The following PAQR7 variants were observed in gnomAD, a reference collection of about 807,000 sequenced individuals.
PAQR7 encodes the protein progestin and adipoQ receptor family member 7.
PAQR7 carries 14 observed loss-of-function variants against 24.6 expected under a neutral mutation model. That is an observed-to-expected ratio of 0.57 (90% CI 0.38 to 0.89). The LOEUF (loss-of-function observed/expected upper bound fraction) is 0.89. Among genes scored for constraint, PAQR7 ranks in the 40% least tolerant of loss-of-function variants. PAQR7 has a pLI of 0.00. For synonymous variants in PAQR7, 189 were observed against 198.8 expected (o/e 0.95, Z 0.42); for missense variants, 351 against 444.0 (o/e 0.79, Z 1.88).
chr1:25,871,523 C>T (rs760505953), intron 1 of PAQR7, among the ~76,000 whole-genome samples: 3 of 152,082 alleles, frequency 2.0e-5, no homozygotes, highest in Non-Finnish European at 4.4e-5. Flanking sequence ...CAGCCTGAGC[C>T]GCTCCTTCCT....
At position 25,875,233 on chromosome 1, in the gene PAQR7, G is replaced by T. The variant is rs544949772; in HGVS notation, c.-109+255C>A. On this transcript the variant is annotated intron_variant, in intron 1 of 2. Coordinates refer to ENST00000675840, the MANE Select transcript of PAQR7 (RefSeq NM_178422.6). The surrounding 1 kb of genome is among the most constrained non-coding windows in gnomAD (Gnocchi z 5.4). ...CTGCTCCTCCCACCCTTCCCAAGACGCCCCCATCCAGCGAGCTCCTCCTTC... is the reference window on the plus strand; with the variant it reads ...CTGCTCCTCCCACCCTTCCCAAGACTCCCCCATCCAGCGAGCTCCTCCTTC... Among the ~76,000 whole-genome samples the T allele has an allele frequency of 6.4e-4, 97 of 152,114 alleles. No individual in the cohort carries two copies. The highest frequency in any genetic ancestry group is 2.3e-3 in the African/African-American group (96 of 41,480).
At position 25,875,087 on chromosome 1, in the gene PAQR7, A is replaced by G. The variant is rs1188967885; in HGVS notation, c.-109+401T>C. 6.6e-6 allele frequency among the ~76,000 whole-genome samples: 1 copy of G among 151,970 alleles called. No homozygotes were observed. Among genetic ancestry groups the G allele is most frequent in the Admixed American group, 6.6e-5 (1 of 15,260 alleles). On this transcript the variant is annotated intron_variant, in intron 1 of 2. Transcript: ENST00000675840. The surrounding 1 kb of genome is among the most constrained non-coding windows in gnomAD (Gnocchi z 5.4). ...AAGGCAGCGGCCTTGCCCGGGCCAG[A>G]CGCCCCTACCCACTCCCTGCCCTCC...
In PAQR7 at chr1:25,875,397, CCAGCCCCG is replaced by C. The variant is rs537795798; in HGVS notation, c.-109+83_-109+90del. Among the ~76,000 whole-genome samples the C allele has an allele frequency of 3.6e-3, 544 of 152,238 alleles. 1 individual carries two copies. The highest frequency in any genetic ancestry group is 6.0e-3 in the Non-Finnish European group (411 of 68,000). ...CCGCGGAGCCTTGCTCTTTCCACGT[CCAGCCCCG>C]CAGCCCCGCAGCCCCGCCGCGCCCC... On this transcript the variant is annotated intron_variant, in intron 1 of 2. Coordinates refer to ENST00000675840, the MANE Select transcript of PAQR7 (RefSeq NM_178422.6). This position sits in a 1 kb window ranked among gnomAD's most constrained non-coding sequence, Gnocchi z 5.4.
chr1:25,862,901 G>GT lies in PAQR7; in HGVS notation c.938dup (p.His313GlnfsTer30). The GT allele has an allele frequency of 6.2e-7, 1 of 1,614,190 alleles. No homozygotes were observed. Among genetic ancestry groups the GT allele is most frequent in the Non-Finnish European group, 8.5e-7 (1 of 1,180,020 alleles). ...TGAGCAGGAAGAGGCCAGAAAAGTT[G>GT]TGAGGCCAGTGCGTGTGCAGAGGCT... On this transcript the variant is annotated frameshift_variant, in exon 3 of 3. Transcript: ENST00000675840. LOFTEE classifies it high-confidence loss of function.
chr1:25,862,649 GC>G lies in PAQR7; in HGVS notation c.*149del, dbSNP rs2048520556. ...AGCCAATCCCTAAATCCAAGAATTGGCCAGTGATGCCCTTGGCAGTTGAGTC... is the reference window on the plus strand; with the variant it reads ...AGCCAATCCCTAAATCCAAGAATTGGCAGTGATGCCCTTGGCAGTTGAGTC... On this transcript the variant is annotated 3_prime_UTR_variant, in exon 3 of 3. Transcript: ENST00000675840. 2.3e-6 allele frequency: 2 copies of G among 862,928 alleles called. No individual in the cohort carries two copies. Among genetic ancestry groups the G allele is most frequent in the African/African-American group, 3.4e-5 (2 of 58,750 alleles). The allele number at this position is 862,928 out of a possible 1,614,324, so 53.5% of individuals were successfully genotyped here.
chr1:25,875,613 A>C lies in PAQR7; in HGVS notation c.-234T>G, dbSNP rs551159568. Among the ~76,000 whole-genome samples the C allele has an allele frequency of 1.4e-3, 213 of 149,910 alleles. No homozygotes were observed. The highest frequency in any genetic ancestry group is 0.011 in the Middle Eastern group (3 of 280). On this transcript the variant is annotated 5_prime_UTR_variant, in exon 1 of 3. Transcript: ENST00000675840. The surrounding 1 kb of genome is among the most constrained non-coding windows in gnomAD (Gnocchi z 5.4). ...GCGGGCGGCCTCGGGCGCTCTGGCT[A>C]CAGCCGCCTCCGCGGGCCCAGGCGA...
intron 2 of PAQR7, among the ~76,000 whole-genome samples, chr1:25,869,966 A>G (rs1557467141): frequency 6.6e-6 from 1 of 151,852 alleles, no homozygotes; most frequent in Non-Finnish European, 1.5e-5. Context: ...GATGACAGAG[A>G]CCCCGCTGCC....
chr1:25,872,085 T>C (rs2048610713), intron 1 of PAQR7, among the ~76,000 whole-genome samples: 1 of 152,254 alleles, frequency 6.6e-6, no homozygotes, highest in Non-Finnish European at 1.5e-5. Flanking sequence ...TCACCTGCTG[T>C]GTGACTCTGC....
At chr1:25,870,003 G>A (rs992811680) in intron 2 of PAQR7, among the ~76,000 whole-genome samples, 10 of 152,264 alleles carry the variant, frequency 6.6e-5, no homozygotes, top group Admixed American at 5.2e-4. Flanking sequence ...TCAGCTAGAG[G>A]CCTCACTCCA....
At chr1:25,866,181 AT>A (rs928920652) in intron 2 of PAQR7, among the ~76,000 whole-genome samples, 4 of 151,806 alleles carry the variant, frequency 2.6e-5, no homozygotes, top group African/African-American at 7.3e-5. Flanking sequence ...TTCCAAATAA[AT>A]CCAATATAAC....
chr1:25,868,024 T>C (rs781431811), intron 2 of PAQR7, among the ~76,000 whole-genome samples: 2 of 152,234 alleles, frequency 1.3e-5, no homozygotes, highest in Non-Finnish European at 2.9e-5. Context: ...AGACCTCCCT[T>C]GGCCAGCCTT....
At chr1:25,868,336 G>A (rs1228186182) in intron 2 of PAQR7, among the ~76,000 whole-genome samples, 1 of 152,144 alleles carries the variant, frequency 6.6e-6, no homozygotes, top group Non-Finnish European at 1.5e-5. Context: ...TAGCTCCTGG[G>A]TGCCTGTGAT....
chr1:25,869,858 G>T (rs1436383292), intron 2 of PAQR7, among the ~76,000 whole-genome samples: 1 of 152,132 alleles, frequency 6.6e-6, no homozygotes, highest in African/African-American at 2.4e-5. Flanking sequence ...GGAGGCCCTG[G>T]CTCAAGCCAC....
At chr1:25,873,873 ATTCTT>A (rs1279546231) in intron 1 of PAQR7, among the ~76,000 whole-genome samples, 26 of 151,886 alleles carry the variant, frequency 1.7e-4, no homozygotes, top group African/African-American at 5.1e-4. Context: ...GCCCAGCCTA[ATTCTT>A]TTCTTTTCTT....
At chr1:25,868,774 G>A (rs1010418688) in intron 2 of PAQR7, among the ~76,000 whole-genome samples, 1 of 143,312 alleles carries the variant, frequency 7.0e-6, no homozygotes, top group African/African-American at 2.5e-5. Flanking sequence ...TAGCTTTGTT[G>A]AATCAACATT....
In PAQR7 at chr1:25,861,662, C is replaced by G. The variant is rs2048511344; in HGVS notation, c.*1137G>C. 1 of 152,470 alleles carries G rather than the reference C, an allele frequency of 6.6e-6. No individual in the cohort carries two copies. The highest frequency in any genetic ancestry group is 6.5e-5 in the Admixed American group (1 of 15,280). The allele number at this position is 152,470 out of a possible 1,614,324, so 9.4% of individuals were successfully genotyped here. A position where few individuals can be genotyped will look rare whatever the true frequency, so the allele number is the denominator to read the frequency against. ...CTCCCCAACCTAAGACCCTGAGGGT[C>G]CCAGGCAGCACAGGTTAATCCCTCT... On this transcript the variant is annotated 3_prime_UTR_variant, in exon 3 of 3. Coordinates refer to ENST00000675840, the MANE Select transcript of PAQR7 (RefSeq NM_178422.6).
At position 25,862,740 on chromosome 1, in the gene PAQR7, C is replaced by T; in HGVS notation, c.*59G>A. On this transcript the variant is annotated 3_prime_UTR_variant, in exon 3 of 3. Coordinates refer to ENST00000675840, the MANE Select transcript of PAQR7 (RefSeq NM_178422.6). ...TACCAGGCCTTGTTCCCACCTGGAG[C>T]CAAACCCAGACCCCTGTCCCCCAAC... The T allele has an allele frequency of 6.6e-7, 1 of 1,525,304 alleles. No individual in the cohort carries two copies. The highest frequency in any genetic ancestry group is 1.9e-5 in the Admixed American group (1 of 53,480). The allele number at this position is 1,525,304 out of a possible 1,614,324, so 94.5% of individuals were successfully genotyped here.
intron 2 of PAQR7, among the ~76,000 whole-genome samples, chr1:25,869,710 G>A (rs559874277): frequency 2.8e-4 from 42 of 152,266 alleles, no homozygotes; most frequent in African/African-American, 1.0e-3. Context: ...ACACTTGTCT[G>A]CATCCTACAG....
chr1:25,864,511 TGAGAC>T (rs2048540908), intron 2 of PAQR7, among the ~76,000 whole-genome samples: 2 of 152,200 alleles, frequency 1.3e-5, no homozygotes, highest in Non-Finnish European at 2.9e-5. Context: ...TCCCTCTGCC[TGAGAC>T]ATTTTCCTCA....
Sources: allele counts gnomAD v4.1 joint callset (sites outside exome capture counted in the v4.1 genomes callset), GRCh38; gene constraint gnomAD v4.1.1; non-coding constraint Gnocchi (gnomAD v3.1); transcripts MANE v1.5; gene names NCBI Gene and HGNC (gene_info 2026-07-23, HGNC 2026-07-21).